VAMP7: variants seen among roughly 807,000 people sequenced by gnomAD.
VAMP7 encodes the protein vesicle-associated membrane protein 7.
Under a neutral mutation model 29.6 loss-of-function variants are expected in VAMP7, and 14 were observed. That is an observed-to-expected ratio of 0.47 (90% CI 0.31 to 0.74). The LOEUF (loss-of-function observed/expected upper bound fraction) is 0.74, where lower values mean the gene tolerates loss of function less well. Ranked by LOEUF, VAMP7 falls within the 30% of genes least tolerant of loss-of-function variation. VAMP7 has a pLI of 0.05. For synonymous variants in VAMP7, 95 were observed against 88.1 expected, an observed-to-expected ratio of 1.08 and a Z score of -0.44; for missense variants, 223 against 262.4, an observed-to-expected ratio of 0.85 and a Z score of 1.04.
intron 6 of VAMP7, among the ~76,000 whole-genome samples, chrX:155,934,089 T>C (rs2066609060): frequency 6.6e-6 from 1 of 152,224 alleles, no homozygotes. Context: ...TTCTGTTCTT[T>C]TACATTTGCT....
At position 155,900,112 on chromosome X, in the gene VAMP7, A is replaced by G. The variant is rs150092870; in HGVS notation, c.343-385A>G. ...TCATCATACTCAAGAAGTGGGGAAC[A>G]ATTTTGCAGCATTCTTTCCCCCACT... is the stretch of plus-strand genomic sequence containing the variant. On this transcript the variant is annotated intron_variant, in intron 4 of 7. Coordinates refer to ENST00000286448, the MANE Select transcript of VAMP7 (RefSeq NM_005638.6). 3.4e-3 allele frequency among the ~76,000 whole-genome samples: 517 copies of G among 152,082 alleles called. 5 individuals carry two copies. The highest frequency in any genetic ancestry group is 0.012 in the African/African-American group (488 of 41,512).
chrX:155,936,527 T>A (rs6642379), intron 6 of VAMP7, among the ~76,000 whole-genome samples: 1 of 152,176 alleles, frequency 6.6e-6, no homozygotes, highest in Non-Finnish European at 1.5e-5. Flanking sequence ...CCTGGTGTGC[T>A]GTTTGCTAAG....
chrX:155,933,541 G>A lies in VAMP7; in HGVS notation c.502-6160G>A, dbSNP rs2066597795. Among the ~76,000 whole-genome samples, 4 of 152,258 alleles carry A rather than the reference G, an allele frequency of 2.6e-5. No homozygotes were observed. In the South Asian group the frequency reaches 8.3e-4, roughly 32 times the overall value. On this transcript the variant is annotated intron_variant, in intron 6 of 7. Coordinates refer to ENST00000286448, the MANE Select transcript of VAMP7 (RefSeq NM_005638.6). ...GGTAGTTTGTATTTCTGTGGGATCG[G>A]TGGTGATATCCCCTTTTATCATTTT...
chrX:155,934,677 A>G (rs1444015371), intron 6 of VAMP7, among the ~76,000 whole-genome samples: 1 of 152,048 alleles, frequency 6.6e-6, no homozygotes, highest in Non-Finnish European at 1.5e-5. Flanking sequence ...GTGTCTTTTA[A>G]TTGGAGCATT....
chrX:155,942,175 T>TA lies in VAMP7; in HGVS notation c.*229dup. The TA allele has an allele frequency of 6.5e-7, 1 of 1,538,562 alleles. No homozygotes were observed. ...GAACCATTCATTGCAGCAGTAGCCT[T>TA]AAAAAGGCTTTTGTTTATTTCTTTG... On this transcript the variant is annotated 3_prime_UTR_variant, in exon 8 of 8. Coordinates refer to ENST00000286448, the MANE Select transcript of VAMP7 (RefSeq NM_005638.6).
chrX:155,926,505 G>T (rs1204427207), intron 6 of VAMP7, among the ~76,000 whole-genome samples: 5 of 152,302 alleles, frequency 3.3e-5, no homozygotes, highest in Admixed American at 2.6e-4. Flanking sequence ...TAGAGTTGAA[G>T]AGTTAGGGCC....
At position 155,900,639 on chromosome X, in the gene VAMP7, C is replaced by T. The variant is rs187181184; in HGVS notation, c.433+52C>T. 5.5e-4 allele frequency: 818 copies of T among 1,475,188 alleles called. 6 individuals carry two copies. In the African/African-American group the frequency reaches 0.01, roughly 18 times the overall value. The allele number at this position is 1,475,188 out of a possible 1,614,324, so 91.4% of individuals were successfully genotyped here. A position where few individuals can be genotyped will look rare whatever the true frequency, so the allele number is the denominator to read the frequency against. ...ATGTGGGCAAAAATGATAAAGATTA[C>T]TTGACTGGGGTCAAATTATTCTAGA... On this transcript the variant is annotated intron_variant, in intron 5 of 7. Coordinates refer to ENST00000286448, the MANE Select transcript of VAMP7 (RefSeq NM_005638.6).
intron 6 of VAMP7, among the ~76,000 whole-genome samples, chrX:155,936,785 G>C (rs1304053183): frequency 6.6e-6 from 1 of 152,146 alleles, no homozygotes. Flanking sequence ...CTCACGCTGG[G>C]GGCTGTAGAC....
chrX:155,907,466 G>A (rs1463523296), intron 5 of VAMP7, among the ~76,000 whole-genome samples: 1 of 151,372 alleles, frequency 6.6e-6, no homozygotes, highest in South Asian at 2.1e-4. Context: ...TTAGGGAGTG[G>A]TGATGACTCT....
intron 4 of VAMP7, 86 bp downstream of exon 4, chrX:155,898,335 C>T: frequency 6.8e-7 from 1 of 1,477,272 alleles, no homozygotes; most frequent in Non-Finnish European, 9.1e-7. Flanking sequence ...CCCTGACCTG[C>T]AATATAGTTT....
chrX:155,883,586 A>G (rs1408744839), intron 1 of VAMP7, among the ~76,000 whole-genome samples: 5 of 152,114 alleles, frequency 3.3e-5, no homozygotes, highest in Non-Finnish European at 7.4e-5. Flanking sequence ...AAGATTTTGC[A>G]TTGACTATCA....
chrX:155,895,494 G>A, intron 2 of VAMP7, 129 bp from the exon 3 acceptor site: 1 of 625,294 alleles, frequency 1.6e-6, no homozygotes. Context: ...GGAAGAGGGA[G>A]AAGAGACTGT....
chrX:155,881,691 G>A (rs1444352283), intron 1 of VAMP7, among the ~76,000 whole-genome samples: 7 of 152,014 alleles, frequency 4.6e-5, no homozygotes, highest in Non-Finnish European at 1.0e-4. Flanking sequence ...ATTACAGGAG[G>A]GAAAAAATGT....
At chrX:155,935,318 C>T (rs1405055376) in intron 6 of VAMP7, among the ~76,000 whole-genome samples, 4 of 152,112 alleles carry the variant, frequency 2.6e-5, no homozygotes, top group Non-Finnish European at 5.9e-5. Flanking sequence ...TCCATTCTCC[C>T]CATCACTTTC....
chrX:155,882,224 A>G (rs935431691), intron 1 of VAMP7, among the ~76,000 whole-genome samples: 5 of 152,162 alleles, frequency 3.3e-5, no homozygotes, highest in Non-Finnish European at 2.9e-5. Context: ...ATATTTATTG[A>G]ACGGCTGGTA....
At chrX:155,896,812 C>T (rs61311995) in intron 3 of VAMP7, among the ~76,000 whole-genome samples, 6,411 of 152,186 alleles carry the variant, frequency 0.042, 448 homozygotes, top group African/African-American at 0.15. Context: ...GATCAGGGTT[C>T]CTAATCTTTA....
intron 6 of VAMP7, among the ~76,000 whole-genome samples, chrX:155,934,925 G>A (rs1373488918): frequency 6.6e-6 from 1 of 152,094 alleles, no homozygotes; most frequent in East Asian, 1.9e-4. Context: ...GCATTTGCTT[G>A]TCTGTAAAGG....
At chrX:155,922,598 G>A (rs2066411819) in intron 6 of VAMP7, among the ~76,000 whole-genome samples, 1 of 151,908 alleles carries the variant, frequency 6.6e-6, no homozygotes, top group Admixed American at 6.6e-5. Context: ...CACTTTATTG[G>A]ATTTGCTATT....
At chrX:155,935,973 C>G (rs776007093) in intron 6 of VAMP7, among the ~76,000 whole-genome samples, 1 of 152,162 alleles carries the variant, frequency 6.6e-6, no homozygotes, top group Non-Finnish European at 1.5e-5. Flanking sequence ...CACTCCAGAC[C>G]CTGTTTGCCT....
Sources: allele counts gnomAD v4.1 joint callset (sites outside exome capture counted in the v4.1 genomes callset), GRCh38; gene constraint gnomAD v4.1.1; transcripts MANE v1.5; gene names NCBI Gene and HGNC (gene_info 2026-07-23, HGNC 2026-07-21).